The following SETD2 variants were observed in gnomAD, a reference collection of about 807,000 sequenced individuals.
SETD2 encodes the protein histone-lysine N-methyltransferase SETD2.
A neutral mutation model predicts 242.1 loss-of-function variants in SETD2; 31 were observed. That is an observed-to-expected ratio of 0.13 (90% CI 0.10 to 0.17). The LOEUF is 0.17. Ranked by LOEUF, SETD2 falls within the 10% of genes least tolerant of loss-of-function variation. The probability of loss-of-function intolerance (pLI) is 1.00; values close to 1 mark genes in which losing one functional copy is unlikely to be tolerated. For synonymous variants in SETD2, 1,006 were observed against 1,066.5 expected, an observed-to-expected ratio of 0.94 and a Z score of 1.11; for missense variants, 2,481 against 3,046.3, an observed-to-expected ratio of 0.81 and a Z score of 4.37.
At position 47,078,882 on chromosome 3, in the gene SETD2, C is replaced by A. The variant is rs534858339; in HGVS notation, c.6060+4838G>T. On this transcript the variant is annotated intron_variant, in intron 12 of 20. Transcript: ENST00000409792. Reference sequence around the variant, plus strand: ...AGTGGCTGGGACTACAGGCATGTGCCACCATGCCTCGCTAATTTTTTAGTT... The same window carrying A: ...AGTGGCTGGGACTACAGGCATGTGCAACCATGCCTCGCTAATTTTTTAGTT... Among the ~76,000 whole-genome samples, 387 of 152,144 alleles carry A rather than the reference C, an allele frequency of 2.5e-3. 4 individuals are homozygous for A. The highest frequency in any genetic ancestry group is 8.9e-3 in the African/African-American group (368 of 41,496).
chr3:47,130,071 T>C (rs1404990519), intron 1 of SETD2, among the ~76,000 whole-genome samples: 1 of 152,138 alleles, frequency 6.6e-6, no homozygotes, highest in Non-Finnish European at 1.5e-5. Context: ...ATTGAGCTCA[T>C]TAGCATACTT....
At chr3:47,076,560 A>T (rs1270843653) in intron 12 of SETD2, among the ~76,000 whole-genome samples, 1 of 152,250 alleles carries the variant, frequency 6.6e-6, no homozygotes, top group Non-Finnish European at 1.5e-5. Context: ...CTCTTACTAC[A>T]AAGATTAAAA....
intron 10 of SETD2, among the ~76,000 whole-genome samples, chr3:47,086,846 C>A (rs1267110621): frequency 6.6e-6 from 1 of 151,340 alleles, no homozygotes; most frequent in Non-Finnish European, 1.5e-5. Flanking sequence ...CCAGCCTGGG[C>A]AAAATAGCAA....
chr3:47,132,646 A>AG (rs1282076813), intron 1 of SETD2, among the ~76,000 whole-genome samples: 2 of 119,730 alleles, frequency 1.7e-5, no homozygotes, highest in Non-Finnish European at 3.4e-5. Flanking sequence ...GTCTCACTCC[A>AG]GACCTTCTAC....
chr3:47,063,412 G>A (rs938551431), intron 13 of SETD2, among the ~76,000 whole-genome samples: 27 of 152,012 alleles, frequency 1.8e-4, no homozygotes, highest in African/African-American at 6.5e-4. Context: ...AGGCATTCTA[G>A]GCTGCAATGA....
chr3:47,116,441 A>C (rs1431671927), intron 4 of SETD2, among the ~76,000 whole-genome samples, 182 bp downstream of exon 4: 1 of 152,232 alleles, frequency 6.6e-6, no homozygotes, highest in Non-Finnish European at 1.5e-5. Flanking sequence ...GCACAATGCA[A>C]GGGATATTTG....
At chr3:47,088,310 C>G (rs976726620) in intron 9 of SETD2, 63 bp from the exon 10 acceptor site, 13 of 1,519,760 alleles carry the variant, frequency 8.6e-6, no homozygotes, top group Admixed American at 8.5e-5. Context: ...AAACCAAAAA[C>G]CCAAAAAGTT....
At chr3:47,116,053 T>A (rs1444725711) in intron 4 of SETD2, among the ~76,000 whole-genome samples, 1 of 152,192 alleles carries the variant, frequency 6.6e-6, no homozygotes, top group Non-Finnish European at 1.5e-5. Context: ...GAATACATAA[T>A]GCAGTCAAGA....
At chr3:47,042,484 G>C (rs1246606684) in intron 17 of SETD2, 77 bp downstream of exon 17, 1 of 1,459,306 alleles carries the variant, frequency 6.9e-7, no homozygotes, top group Non-Finnish European at 9.6e-7. Flanking sequence ...GTTTACAACT[G>C]TAAAACTCCC....
chr3:47,023,708 A>G (rs1020763719), intron 18 of SETD2, among the ~76,000 whole-genome samples: 1 of 152,178 alleles, frequency 6.6e-6, no homozygotes, highest in Non-Finnish European at 1.5e-5. Context: ...ATTTTAAAAA[A>G]CCCCAATGCA....
intron 9 of SETD2, 113 bp downstream of exon 9, chr3:47,097,842 T>C (rs2042066541): frequency 9.9e-7 from 1 of 1,005,710 alleles, no homozygotes; most frequent in African/African-American, 1.6e-5. Flanking sequence ...ACAACTCATC[T>C]GATCTTGGAT....
In SETD2 at chr3:47,116,855, G is replaced by T. The variant is rs187265054; in HGVS notation, c.4455-101C>A. 1,225 of 889,888 alleles carry T rather than the reference G, an allele frequency of 1.4e-3. 11 individuals are homozygous for T. Among genetic ancestry groups the T allele is most frequent in the Middle Eastern group, 0.012 (32 of 2,700 alleles). 55.1% of individuals were successfully genotyped at this position (889,888 alleles called of 1,614,324 possible). A position where few individuals can be genotyped will look rare whatever the true frequency, so the allele number is the denominator to read the frequency against. On this transcript the variant is annotated intron_variant, in intron 3 of 20. Transcript: ENST00000409792. ...GCCAAATCTCATTAGATTCTTTTGG[G>T]TTTTTTTAAACAGGGTCTTGTTCTG...
At chr3:47,099,556 C>T (rs1354816563) in intron 8 of SETD2, among the ~76,000 whole-genome samples, 2 of 152,132 alleles carry the variant, frequency 1.3e-5, no homozygotes, top group Non-Finnish European at 2.9e-5. Flanking sequence ...CTGTTTAGGA[C>T]CCATACCTTA....
chr3:47,128,649 A>T lies in SETD2; in HGVS notation c.72-1986T>A, dbSNP rs554280131. Among the ~76,000 whole-genome samples the T allele has an allele frequency of 4.6e-5, 7 of 152,218 alleles. No homozygotes were observed. The East Asian group carries it at 1.4e-3, about 29-fold the overall frequency. ...GAGATCTGAAGCAGTGCCAAAATTA[A>T]CCATTTTTTTCTACTCCAAAACCAC... On this transcript the variant is annotated intron_variant, in intron 1 of 20. Coordinates refer to ENST00000409792, the MANE Select transcript of SETD2 (RefSeq NM_014159.7).
At position 47,086,146 on chromosome 3, in the gene SETD2, C is replaced by A. The variant is rs146284584; in HGVS notation, c.5397+49G>T. 4.5e-4 allele frequency: 714 copies of A among 1,599,462 alleles called. 2 individuals carry two copies. The Middle Eastern group carries it at 0.012, about 26-fold the overall frequency. ...TATTATCACATATCCACAACCGAGG[C>A]AATCAATATAACAGTTTTAAGAAAC... On this transcript the variant is annotated intron_variant, in intron 11 of 20. Transcript: ENST00000409792.
intron 9 of SETD2, 28 bp from the exon 10 acceptor site, chr3:47,088,275 T>C: frequency 6.4e-7 from 1 of 1,565,624 alleles, no homozygotes; most frequent in Non-Finnish European, 8.6e-7. Flanking sequence ...AATACCTTTT[T>C]ATAAAACAAC....
intron 9 of SETD2, among the ~76,000 whole-genome samples, chr3:47,089,995 C>T (rs2041726849): frequency 6.6e-6 from 1 of 152,148 alleles, no homozygotes; most frequent in Non-Finnish European, 1.5e-5. Flanking sequence ...TGTCTACAAT[C>T]CCAGAACTCT....
At chr3:47,029,857 T>G (rs532280157) in intron 18 of SETD2, among the ~76,000 whole-genome samples, 1 of 152,242 alleles carries the variant, frequency 6.6e-6, no homozygotes, top group African/African-American at 2.4e-5. Flanking sequence ...AAGCGGACAT[T>G]TAAATGAAGT....
At chr3:47,057,536 G>T in intron 14 of SETD2, 46 bp from the exon 15 acceptor site, 1 of 1,406,956 alleles carries the variant, frequency 7.1e-7, no homozygotes, top group Non-Finnish European at 1.0e-6. Context: ...CTAAATCATA[G>T]ACACAATCAA....
Sources: gnomAD v4.1 joint callset for allele counts (sites outside exome capture counted in the v4.1 genomes callset) on GRCh38, gnomAD v4.1.1 for gene constraint, MANE v1.5 for transcripts, NCBI Gene and HGNC (gene_info 2026-07-23, HGNC 2026-07-21) for gene names.